The following COL22A1 variants were observed in gnomAD, a reference collection of about 807,000 sequenced individuals.
COL22A1 encodes the protein collagen alpha-1(XXII) chain.
COL22A1 carries 221 observed loss-of-function variants against 248.9 expected under a neutral mutation model. That is an observed-to-expected ratio of 0.89 (90% CI 0.80 to 0.99). The LOEUF (loss-of-function observed/expected upper bound fraction) is 0.99, where lower values mean the gene tolerates loss of function less well. Ranked by LOEUF, COL22A1 falls within the 50% of genes least tolerant of loss-of-function variation. COL22A1 has a pLI of 0.00. For missense variants in COL22A1, 2,240 were observed against 2,179.0 expected (o/e 1.03, Z -0.56); for synonymous variants, 891 against 793.4 (o/e 1.12, Z -2.07).
intron 36 of COL22A1, among the ~76,000 whole-genome samples, chr8:138,689,818 C>T (rs1826678433): frequency 6.6e-6 from 1 of 152,172 alleles, no homozygotes; most frequent in South Asian, 2.1e-4. Context: ...GGATCCTGTG[C>T]AGGACGTACG....
chr8:138,704,712 C>T (rs570619356), intron 30 of COL22A1, among the ~76,000 whole-genome samples: 8 of 152,272 alleles, frequency 5.3e-5, no homozygotes, highest in South Asian at 4.1e-4. Context: ...AAAATCAGAG[C>T]GCCTCGCCTC....
chr8:138,652,935 C>T (rs3903033), intron 45 of COL22A1, among the ~76,000 whole-genome samples: 115,761 of 151,186 alleles, frequency 0.77, 47,610 homozygotes, highest in East Asian at 0.92. Flanking sequence ...TTAGTAGAGA[C>T]GGGGTTTTCC....
Position 138,649,718 on chromosome 8 carries a change from C to G in COL22A1, c.3394G>C (p.Gly1132Arg). The G allele has an allele frequency of 6.2e-7, 1 of 1,612,418 alleles. No individual in the cohort carries two copies. ...PGLPGLPGFKGDKGVPGKPGR... is the reference protein window; with the variant it reads ...PGLPGLPGFKRDKGVPGKPGR... ...GGCTTTCCTGGGACACCTTTGTCCC[C>G]TTTAAAACCTGGTAGACCAGGGAGG... Residue 1132 changes from glycine (G) to arginine (R), a missense_variant, in exon 46 of 65, where the codon GGG (glycine) becomes CGG (arginine). By Grantham distance (125) the Gly-to-Arg change is moderately radical. Transcript: ENST00000303045.
intron 3 of COL22A1, among the ~76,000 whole-genome samples, chr8:138,875,752 C>G (rs1823667948): frequency 1.3e-5 from 2 of 152,176 alleles, no homozygotes; most frequent in African/African-American, 4.8e-5. Flanking sequence ...TGCCTTGAAG[C>G]TGTGCCTTCC....
At chr8:138,832,814 T>C (rs1316604991) in intron 5 of COL22A1, among the ~76,000 whole-genome samples, 1 of 152,176 alleles carries the variant, frequency 6.6e-6, no homozygotes, top group Non-Finnish European at 1.5e-5. Context: ...GAGATAGGTG[T>C]AGAAGGATCA....
At chr8:138,623,818 A>C (rs780171586) in intron 51 of COL22A1, 33 bp from the exon 52 acceptor site, 3 of 1,595,390 alleles carry the variant, frequency 1.9e-6, no homozygotes, top group Non-Finnish European at 2.6e-6. Context: ...TTATCAGGTC[A>C]AAGAAGATTC....
At chr8:138,692,380 G>A (rs1035333240) in intron 35 of COL22A1, among the ~76,000 whole-genome samples, 2 of 139,580 alleles carry the variant, frequency 1.4e-5, no homozygotes, top group Admixed American at 1.5e-4. Context: ...GTGGACATGT[G>A]TATTGTGCAC....
chr8:138,821,545 C>T, intron 6 of COL22A1, 134 bp from the exon 7 acceptor site: 1 of 860,626 alleles, frequency 1.2e-6, no homozygotes, highest in African/African-American at 1.7e-5. Context: ...CAGCTGGTCA[C>T]CTGCCACCTG....
chr8:138,820,626 A>T (rs1819035937), intron 7 of COL22A1, among the ~76,000 whole-genome samples: 1 of 151,944 alleles, frequency 6.6e-6, no homozygotes, highest in African/African-American at 2.4e-5. Flanking sequence ...ATATTTTCCA[A>T]TTTTTTTTAC....
intron 44 of COL22A1, 38 bp from the exon 45 acceptor site, chr8:138,655,982 C>A (rs1040159645): frequency 3.3e-6 from 5 of 1,505,334 alleles, no homozygotes; most frequent in Non-Finnish European, 4.6e-6. Context: ...TACGTACATG[C>A]ATATATACAA....
intron 1 of COL22A1, among the ~76,000 whole-genome samples, chr8:138,895,985 G>A (rs1490563459): frequency 1.3e-5 from 2 of 152,082 alleles, no homozygotes; most frequent in African/African-American, 4.8e-5. Flanking sequence ...AGAAACCAGG[G>A]GGAAATGGCA....
At chr8:138,710,238 G>C (rs551817727) in intron 30 of COL22A1, among the ~76,000 whole-genome samples, 2 of 152,288 alleles carry the variant, frequency 1.3e-5, no homozygotes, top group Admixed American at 6.5e-5. Flanking sequence ...TCACTGAGCT[G>C]CTCCACGCAA....
chr8:138,692,160 G>GCACATT, intron 35 of COL22A1, among the ~76,000 whole-genome samples: 1 of 151,572 alleles, frequency 6.6e-6, no homozygotes. Context: ...GTATGTGTAT[G>GCACATT]TGTGGAGGTG....
At chr8:138,601,212 T>C (rs1817979087) in intron 60 of COL22A1, among the ~76,000 whole-genome samples, 1 of 151,944 alleles carries the variant, frequency 6.6e-6, no homozygotes, top group Non-Finnish European at 1.5e-5. Flanking sequence ...ATGTCCCTCA[T>C]GTCCCTGGCT....
At chr8:138,634,565 C>T (rs1820987530) in intron 49 of COL22A1, among the ~76,000 whole-genome samples, 1 of 152,128 alleles carries the variant, frequency 6.6e-6, no homozygotes, top group Non-Finnish European at 1.5e-5. Flanking sequence ...GCTACAGCTA[C>T]TGTAAAAGCA....
intron 16 of COL22A1, among the ~76,000 whole-genome samples, chr8:138,769,363 C>A (rs1279139193): frequency 3.3e-5 from 5 of 152,158 alleles, no homozygotes; most frequent in African/African-American, 1.2e-4. Flanking sequence ...TCCCACCCAC[C>A]CAATTATGTT....
At chr8:138,828,975 T>C (rs1194896112) in intron 5 of COL22A1, among the ~76,000 whole-genome samples, 1 of 152,114 alleles carries the variant, frequency 6.6e-6, no homozygotes, top group Non-Finnish European at 1.5e-5. Context: ...GTACATGATA[T>C]TGACTTCCCT....
intron 17 of COL22A1, among the ~76,000 whole-genome samples, chr8:138,761,934 T>G (rs1264264663): frequency 6.6e-6 from 1 of 152,188 alleles, no homozygotes; most frequent in Non-Finnish European, 1.5e-5. Flanking sequence ...TTTCTTTATT[T>G]TCCACTGAAC....
intron 29 of COL22A1, 86 bp downstream of exon 29, chr8:138,716,141 C>A: frequency 9.6e-7 from 1 of 1,039,472 alleles, no homozygotes; most frequent in African/African-American, 1.6e-5. Context: ...TATGACTGTC[C>A]CGAGGGACTG....
Sources: allele counts gnomAD v4.1 joint callset (sites outside exome capture counted in the v4.1 genomes callset), GRCh38; gene constraint gnomAD v4.1.1; transcripts MANE v1.5; gene names NCBI Gene and HGNC (gene_info 2026-07-23, HGNC 2026-07-21).